Variants in FSTL5 observed in about 807,000 individuals in gnomAD.
FSTL5 encodes the protein follistatin like 5, also known as follistatin-related protein 5.
FSTL5 carries 62 observed loss-of-function variants against 89.1 expected under a neutral mutation model. The observed-to-expected ratio is 0.70, with a 90% CI of 0.57 to 0.86. FSTL5 has a LOEUF of 0.86. FSTL5 is among the 40% of genes least tolerant of loss of function. The pLI, the probability that FSTL5 is intolerant of heterozygous loss-of-function variation, is 0.00. For missense variants in FSTL5, 1,057 were observed against 1,001.6 expected (o/e 1.06, Z -0.75); for synonymous variants, 383 against 346.2 (o/e 1.11, Z -1.18).
At chr4:161,725,493 T>C (rs962218682) in intron 6 of FSTL5, among the ~76,000 whole-genome samples, 1 of 151,416 alleles carries the variant, frequency 6.6e-6, no homozygotes, top group Non-Finnish European at 1.5e-5. Flanking sequence ...TGCGGGAAAA[T>C]TGAATATATA....
chr4:162,158,761 AT>A (rs1324366589), intron 1 of FSTL5, among the ~76,000 whole-genome samples: 2 of 152,058 alleles, frequency 1.3e-5, no homozygotes, highest in Non-Finnish European at 2.9e-5. Flanking sequence ...ATTACTTAAT[AT>A]GGGTTTATGG....
chr4:161,935,338 T>C (rs1734402534), intron 3 of FSTL5, among the ~76,000 whole-genome samples: 2 of 152,264 alleles, frequency 1.3e-5, no homozygotes, highest in Non-Finnish European at 2.9e-5. Context: ...ACAACATCAG[T>C]GATGCAGAAT....
chr4:161,699,868 C>T (rs912071138), intron 6 of FSTL5, among the ~76,000 whole-genome samples: 1 of 152,114 alleles, frequency 6.6e-6, no homozygotes, highest in African/African-American at 2.4e-5. Flanking sequence ...TCCTCTATTA[C>T]TCTTTTTTAT....
At chr4:161,477,569 T>A (rs1387005163) in intron 13 of FSTL5, among the ~76,000 whole-genome samples, 3 of 151,554 alleles carry the variant, frequency 2.0e-5, no homozygotes, top group East Asian at 3.9e-4. Flanking sequence ...AATTTTTCAT[T>A]TATATTTTCC....
At chr4:161,619,553 A>G (rs1560982252) in intron 7 of FSTL5, among the ~76,000 whole-genome samples, 1 of 152,246 alleles carries the variant, frequency 6.6e-6, no homozygotes, top group Non-Finnish European at 1.5e-5. Context: ...CACTTCTCAA[A>G]AGAAGATATT....
At chr4:162,123,558 T>C (rs1731952396) in intron 1 of FSTL5, among the ~76,000 whole-genome samples, 2 of 152,288 alleles carry the variant, frequency 1.3e-5, no homozygotes, top group Non-Finnish European at 2.9e-5. Flanking sequence ...TAAACTATCC[T>C]TGTAGATGAA....
Position 161,480,992 on chromosome 4 carries a change from CTTTTTAAAAA to C in FSTL5, c.1608+18_1608+27del, listed in dbSNP as rs1267756402. 3.3e-6 allele frequency: 5 copies of C among 1,502,942 alleles called. No individual in the cohort carries two copies. The highest frequency in any genetic ancestry group is 4.6e-6 in the Non-Finnish European group (5 of 1,093,040). The allele number at this position is 1,502,942 out of a possible 1,614,324, so 93.1% of individuals were successfully genotyped here. On this transcript the variant is annotated intron_variant, in intron 13 of 15. Transcript: ENST00000306100. ...GATATAAATATTTTTTAAAGATTTA[CTTTTTAAAAA>C]GTAGTAATTATTCATACCTGAACAA... is the stretch of plus-strand genomic sequence containing the variant.
chr4:161,659,433 G>A (rs1388191026), intron 6 of FSTL5, among the ~76,000 whole-genome samples: 1 of 151,906 alleles, frequency 6.6e-6, no homozygotes, highest in Non-Finnish European at 1.5e-5. Flanking sequence ...GAATTGCCAT[G>A]CCCATCTTTA....
chr4:161,929,242 T>A (rs891488598), intron 3 of FSTL5, among the ~76,000 whole-genome samples: 1 of 93,616 alleles, frequency 1.1e-5, no homozygotes, highest in Admixed American at 1.1e-4. Context: ...TAATTAGCTT[T>A]GCTTTTTTTT....
chr4:161,776,223 A>C, intron 4 of FSTL5, 149 bp from the exon 5 acceptor site: 1 of 449,860 alleles, frequency 2.2e-6, no homozygotes, highest in South Asian at 6.2e-5. Flanking sequence ...TTGTACAAGA[A>C]AAAAATGGGC....
At chr4:161,717,408 C>G (rs1187335163) in intron 6 of FSTL5, among the ~76,000 whole-genome samples, 1 of 152,130 alleles carries the variant, frequency 6.6e-6, no homozygotes, top group Non-Finnish European at 1.5e-5. Flanking sequence ...TTTCCAGTGG[C>G]AGTGGGCTTT....
At chr4:161,828,537 T>C (rs990506911) in intron 4 of FSTL5, among the ~76,000 whole-genome samples, 1 of 152,322 alleles carries the variant, frequency 6.6e-6, no homozygotes, top group Middle Eastern at 3.4e-3. Flanking sequence ...TTAAGATTCA[T>C]ATTTTTTAAA....
At chr4:161,903,161 A>G (rs1733420390) in intron 4 of FSTL5, among the ~76,000 whole-genome samples, 3 of 151,980 alleles carry the variant, frequency 2.0e-5, no homozygotes, top group Admixed American at 2.0e-4. Flanking sequence ...CATGTCATCC[A>G]TTCATTTTTT....
Position 161,713,489 on chromosome 4 carries a change from C to T in FSTL5, c.727+45922G>A, listed in dbSNP as rs150661950. The stretch of plus-strand genomic sequence containing the variant: ...TAATGTTCACCATAACTTTCTAAGA[C>T]GGTAATGTTGTACAACATATAATCA... On this transcript the variant is annotated intron_variant, in intron 6 of 15. Coordinates refer to ENST00000306100, the MANE Select transcript of FSTL5 (RefSeq NM_020116.5). 5.3e-3 allele frequency among the ~76,000 whole-genome samples: 813 copies of T among 152,172 alleles called. 7 individuals carry two copies. Among genetic ancestry groups the T allele is most frequent in the Middle Eastern group, 0.017 (5 of 294 alleles).
At chr4:161,723,073 A>G (rs1457303681) in intron 6 of FSTL5, among the ~76,000 whole-genome samples, 1 of 152,164 alleles carries the variant, frequency 6.6e-6, no homozygotes, top group Non-Finnish European at 1.5e-5. Flanking sequence ...TTCTGAAATA[A>G]GAATGCATCT....
intron 6 of FSTL5, among the ~76,000 whole-genome samples, chr4:161,745,414 A>G (rs1026585179): frequency 5.3e-5 from 8 of 152,090 alleles, no homozygotes; most frequent in Admixed American, 6.6e-5. Context: ...TGCTAATACA[A>G]AATCTTTTTC....
chr4:161,693,399 G>T (rs1424293765), intron 6 of FSTL5, among the ~76,000 whole-genome samples: 1 of 152,038 alleles, frequency 6.6e-6, no homozygotes, highest in African/African-American at 2.4e-5. Flanking sequence ...TAAGACTGGG[G>T]AGAATTTTTC....
At chr4:161,693,536 A>C (rs1738025897) in intron 6 of FSTL5, among the ~76,000 whole-genome samples, 1 of 150,598 alleles carries the variant, frequency 6.6e-6, no homozygotes, top group Non-Finnish European at 1.5e-5. Flanking sequence ...TTTCCTCTTG[A>C]GTCAGTTTTA....
At chr4:161,879,818 C>A (rs1476168647) in intron 4 of FSTL5, among the ~76,000 whole-genome samples, 1 of 152,188 alleles carries the variant, frequency 6.6e-6, no homozygotes, top group Non-Finnish European at 1.5e-5. Flanking sequence ...CCTATCACTT[C>A]CCCTTGCTTA....
Sources: gnomAD v4.1 joint callset for allele counts (sites outside exome capture counted in the v4.1 genomes callset) on GRCh38, gnomAD v4.1.1 for gene constraint, MANE v1.5 for transcripts, NCBI Gene and HGNC (gene_info 2026-07-23, HGNC 2026-07-21) for gene names.